The following ELMO1 variants were observed in gnomAD, a reference collection of about 807,000 sequenced individuals.
ELMO1 encodes the protein engulfment and cell motility protein 1.
Under a neutral mutation model 98.9 loss-of-function variants are expected in ELMO1, and 26 were observed. The observed-to-expected ratio is 0.26, with a 90% confidence interval of 0.19 to 0.36. The LOEUF is 0.36. Ranked by LOEUF, ELMO1 falls within the 10% of genes least tolerant of loss-of-function variation. The pLI is 1.00. For missense variants in ELMO1, 627 were observed against 935.2 expected (o/e 0.67, Z 4.30); for synonymous variants, 346 against 346.0 (o/e 1.00, Z 0.00).
At chr7:36,861,275 G>GA (rs1802605400) in intron 21 of ELMO1, among the ~76,000 whole-genome samples, 1 of 152,194 alleles carries the variant, frequency 6.6e-6, no homozygotes, top group African/African-American at 2.4e-5. Flanking sequence ...AAATTTGGTA[G>GA]AAAACCTACT....
chr7:37,276,929 GCTGT>G (rs1796868548), intron 4 of ELMO1, among the ~76,000 whole-genome samples: 3 of 152,264 alleles, frequency 2.0e-5, no homozygotes, highest in Admixed American at 6.5e-5. Context: ...ATCAATAAGT[GCTGT>G]CTATGTGCTT....
chr7:36,952,921 C>G (rs1562851507), intron 16 of ELMO1, among the ~76,000 whole-genome samples: 1 of 145,862 alleles, frequency 6.9e-6, no homozygotes, highest in Non-Finnish European at 1.5e-5. Flanking sequence ...CAAGACATTT[C>G]AATATAATGA....
chr7:37,166,567 CTT>C (rs1387473022), intron 13 of ELMO1, among the ~76,000 whole-genome samples: 2 of 152,068 alleles, frequency 1.3e-5, no homozygotes, highest in African/African-American at 4.8e-5. Flanking sequence ...CAAAGAACAT[CTT>C]TATTTTTGCC....
At chr7:37,043,633 G>A (rs1795644839) in intron 15 of ELMO1, among the ~76,000 whole-genome samples, 1 of 152,192 alleles carries the variant, frequency 6.6e-6, no homozygotes, top group Non-Finnish European at 1.5e-5. Context: ...ATATACTAAT[G>A]TCTGGGCCTA....
In ELMO1 at chr7:36,853,642, C is replaced by T. The variant is rs931078218; in HGVS notation, c.*1909G>A. Reference sequence around the variant, plus strand: ...TGCAAAGGACTTTTTTCCTGCAATGCATGCAGTGCTCTGGACCATATCATC... The same window carrying T: ...TGCAAAGGACTTTTTTCCTGCAATGTATGCAGTGCTCTGGACCATATCATC... On this transcript the variant is annotated 3_prime_UTR_variant, in exon 22 of 22. Coordinates refer to ENST00000310758, the MANE Select transcript of ELMO1 (RefSeq NM_014800.11). Among the ~76,000 whole-genome samples the T allele has an allele frequency of 2.0e-5, 3 of 152,238 alleles. No homozygotes were observed. The highest frequency in any genetic ancestry group is 4.4e-5 in the Non-Finnish European group (3 of 68,046).
At position 37,124,734 on chromosome 7, in the gene ELMO1, C is replaced by A. The variant is rs1037950788; in HGVS notation, c.1191+8396G>T. Among the ~76,000 whole-genome samples, 36 of 152,136 alleles carry A rather than the reference C, an allele frequency of 2.4e-4. 1 individual carries two copies. Among genetic ancestry groups the A allele is most frequent in the Admixed American group, 1.9e-3 (29 of 15,278 alleles). ...CTCAAGGTAATTTATAGATTCAATG[C>A]CATCCCCATCAAGCTACCAATGACT... is the stretch of plus-strand genomic sequence containing the variant. On this transcript the variant is annotated intron_variant, in intron 14 of 21. Transcript: ENST00000310758.
chr7:37,100,913 C>G (rs1017009749), intron 14 of ELMO1, among the ~76,000 whole-genome samples: 1 of 152,200 alleles, frequency 6.6e-6, no homozygotes, highest in Admixed American at 6.5e-5. Flanking sequence ...TTGTGAGATA[C>G]GAAGACCTTA....
At chr7:37,256,107 C>T (rs892965992) in intron 6 of ELMO1, among the ~76,000 whole-genome samples, 1 of 152,174 alleles carries the variant, frequency 6.6e-6, no homozygotes, top group Non-Finnish European at 1.5e-5. Flanking sequence ...CCTTGGATCC[C>T]TAAACTTTTT....
intron 2 of ELMO1, among the ~76,000 whole-genome samples, chr7:37,335,759 T>G (rs2131223282): frequency 6.6e-6 from 1 of 152,332 alleles, no homozygotes; most frequent in South Asian, 2.1e-4. Context: ...TTGCCCTTTT[T>G]GGGCCTGAAT....
chr7:37,172,185 G>A (rs551164971), intron 13 of ELMO1, among the ~76,000 whole-genome samples: 1 of 152,196 alleles, frequency 6.6e-6, no homozygotes, highest in South Asian at 2.1e-4. Flanking sequence ...CATATGGAGA[G>A]TTTTAATTTT....
At chr7:37,040,489 T>A (rs1315731042) in intron 15 of ELMO1, among the ~76,000 whole-genome samples, 5 of 152,030 alleles carry the variant, frequency 3.3e-5, no homozygotes, top group African/African-American at 9.7e-5. Context: ...AATGTAAACA[T>A]AGGAGCACCC....
chr7:37,102,158 G>A (rs1784681202), intron 14 of ELMO1, among the ~76,000 whole-genome samples: 1 of 152,076 alleles, frequency 6.6e-6, no homozygotes, highest in Admixed American at 6.5e-5. Flanking sequence ...CCTACCCCAG[G>A]GTCAAAGAAT....
At chr7:37,070,377 T>C (rs1021401582) in intron 15 of ELMO1, among the ~76,000 whole-genome samples, 1 of 152,194 alleles carries the variant, frequency 6.6e-6, no homozygotes. Flanking sequence ...GAAGATGCAA[T>C]CCTCTTGTAT....
Position 37,423,828 on chromosome 7 carries a change from C to T in ELMO1, c.-74+24847G>A, listed in dbSNP as rs557816479. 1.2e-3 allele frequency among the ~76,000 whole-genome samples: 176 copies of T among 152,282 alleles called. 1 individual carries two copies. The highest frequency in any genetic ancestry group is 3.6e-3 in the African/African-American group (149 of 41,564). On this transcript the variant is annotated intron_variant, in intron 1 of 21. Transcript: ENST00000310758. Reference sequence around the variant, plus strand: ...GACAGATAGTGTCCGATTCATTACCCTTTCTCTTTTTTAAAAAATAAATGC... The same window carrying T: ...GACAGATAGTGTCCGATTCATTACCTTTTCTCTTTTTTAAAAAATAAATGC...
At chr7:37,066,219 C>T (rs535373442) in intron 15 of ELMO1, among the ~76,000 whole-genome samples, 2 of 152,238 alleles carry the variant, frequency 1.3e-5, no homozygotes, top group Admixed American at 6.5e-5. Flanking sequence ...AATAAACTTG[C>T]CAGCCAGGTA....
intron 1 of ELMO1, among the ~76,000 whole-genome samples, chr7:37,434,781 C>G (rs576760838): frequency 6.6e-6 from 1 of 152,338 alleles, no homozygotes; most frequent in South Asian, 2.1e-4. Flanking sequence ...TTTTACACAG[C>G]CTTCATGTGC....
intron 19 of ELMO1, among the ~76,000 whole-genome samples, chr7:36,873,984 A>G (rs73689665): frequency 0.037 from 5,631 of 152,300 alleles, 176 homozygotes; most frequent in South Asian, 0.16. Flanking sequence ...GAGGAGGTAC[A>G]GGCTCATCCC....
intron 15 of ELMO1, among the ~76,000 whole-genome samples, chr7:37,055,781 G>T (rs1040840563): frequency 2.0e-5 from 3 of 152,078 alleles, no homozygotes; most frequent in African/African-American, 7.2e-5. Flanking sequence ...AATTCTAGTG[G>T]GCACCATCAT....
At chr7:36,938,234 T>C (rs1786719738) in intron 16 of ELMO1, among the ~76,000 whole-genome samples, 1 of 152,212 alleles carries the variant, frequency 6.6e-6, no homozygotes. Flanking sequence ...AATTATGTAA[T>C]TTGATTGCAT....
Sources: gnomAD v4.1 joint callset for allele counts (sites outside exome capture counted in the v4.1 genomes callset) on GRCh38, gnomAD v4.1.1 for gene constraint, MANE v1.5 for transcripts, NCBI Gene and HGNC (gene_info 2026-07-23, HGNC 2026-07-21) for gene names.